FAM81A: variants seen among roughly 807,000 people sequenced by gnomAD.
FAM81A encodes the protein family with sequence similarity 81 member A.
In FAM81A, 19 loss-of-function variants were observed where a neutral mutation model predicts 46.7. That is an observed-to-expected ratio of 0.41 (90% confidence interval 0.28 to 0.60). The LOEUF (loss-of-function observed/expected upper bound fraction) is 0.60. Among genes scored for constraint, FAM81A ranks in the 20% least tolerant of loss-of-function variants. The probability of loss-of-function intolerance (pLI) is 0.34; values close to 1 mark genes in which losing one functional copy is unlikely to be tolerated. For synonymous variants in FAM81A, 183 were observed against 152.9 expected (o/e 1.20, Z -1.45); for missense variants, 377 against 453.5 (o/e 0.83, Z 1.53).
Position 59,449,581 on chromosome 15 carries a change from A to G in FAM81A, c.-77-8969A>G, listed in dbSNP as rs551309176. Among the ~76,000 whole-genome samples, 7 of 152,100 alleles carry G rather than the reference A, an allele frequency of 4.6e-5. No homozygotes were observed. In the East Asian group the frequency reaches 9.7e-4, roughly 21 times the overall value. ...CGGATCACGAGGTCAGGAGATCGAG[A>G]CCATCCTGGCTAACACAGTGAAACC... On this transcript the variant is annotated intron_variant, in intron 1 of 8. Coordinates refer to ENST00000288228, the MANE Select transcript of FAM81A (RefSeq NM_152450.3).
intron 3 of FAM81A, among the ~76,000 whole-genome samples, chr15:59,488,409 G>A (rs190952000): frequency 6.6e-6 from 1 of 152,134 alleles, no homozygotes; most frequent in Non-Finnish European, 1.5e-5. Context: ...AGTACTAGAT[G>A]TCCTAGCTAG....
At chr15:59,465,243 G>A (rs2141659636) in intron 3 of FAM81A, among the ~76,000 whole-genome samples, 1 of 152,246 alleles carries the variant, frequency 6.6e-6, no homozygotes, top group Non-Finnish European at 1.5e-5. Flanking sequence ...AGGTCTGGTA[G>A]TGTGATGCCT....
upstream of FAM81A, among the ~76,000 whole-genome samples, chr15:59,434,396 C>T (rs942143838): frequency 6.6e-6 from 1 of 152,208 alleles, no homozygotes; most frequent in Admixed American, 6.5e-5. Context: ...AAAGAGTGAC[C>T]TACACCTTTC....
intron 2 of FAM81A, among the ~76,000 whole-genome samples, chr15:59,422,019 A>G (rs1263707224): frequency 6.6e-6 from 1 of 152,204 alleles, no homozygotes; most frequent in Non-Finnish European, 1.5e-5. Context: ...AAAATAAGGT[A>G]CATAACAGGT....
chr15:59,401,723 C>G, intron 1 of FAM81A: 2 of 775,288 alleles, frequency 2.6e-6, no homozygotes, highest in Non-Finnish European at 4.8e-6. Context: ...TTGTCCCTCT[C>G]TGTCCAGCAG....
chr15:59,483,752 G>A (rs1042203755), intron 3 of FAM81A, among the ~76,000 whole-genome samples: 6 of 152,178 alleles, frequency 3.9e-5, no homozygotes, highest in Non-Finnish European at 8.8e-5. Flanking sequence ...TCCCAATCCA[G>A]GTGCTACCTT....
At chr15:59,414,071 C>T (rs4272979) in intron 2 of FAM81A, among the ~76,000 whole-genome samples, 26,667 of 152,040 alleles carry the variant, frequency 0.18, 2,901 homozygotes, top group East Asian at 0.42. Context: ...CTCTTCCAGC[C>T]TCCTGAGTAG....
chr15:59,480,389 A>T (rs1444485724), intron 3 of FAM81A, among the ~76,000 whole-genome samples: 2 of 152,142 alleles, frequency 1.3e-5, no homozygotes, highest in Non-Finnish European at 2.9e-5. Context: ...TAGATGTCCC[A>T]GGGGATTGGT....
intron 4 of FAM81A, among the ~76,000 whole-genome samples, chr15:59,499,955 C>T (rs1164934312): frequency 1.3e-5 from 2 of 151,574 alleles, no homozygotes; most frequent in African/African-American, 4.9e-5. Context: ...CAGGTTCAAG[C>T]GAGTCTCATG....
chr15:59,402,909 C>A (rs2081078307), intron 2 of FAM81A, among the ~76,000 whole-genome samples: 2 of 151,990 alleles, frequency 1.3e-5, no homozygotes, highest in South Asian at 4.2e-4. Flanking sequence ...TCATAGGGGT[C>A]TTATATATAT....
chr15:59,475,301 C>A (rs544355235), intron 3 of FAM81A, among the ~76,000 whole-genome samples: 1 of 152,058 alleles, frequency 6.6e-6, no homozygotes, highest in Non-Finnish European at 1.5e-5. Context: ...CACCACCACA[C>A]CCGGCTGATT....
intron 1 of FAM81A, among the ~76,000 whole-genome samples, chr15:59,400,123 C>G (rs1171012401): frequency 4.6e-5 from 7 of 152,132 alleles, no homozygotes; most frequent in African/African-American, 1.7e-4. Context: ...GAGGTTCACT[C>G]AGAGATTGCA....
intron 3 of FAM81A, among the ~76,000 whole-genome samples, chr15:59,478,002 T>A (rs748061689): frequency 6.6e-6 from 1 of 152,210 alleles, no homozygotes; most frequent in Non-Finnish European, 1.5e-5. Context: ...CATGTCTGGG[T>A]TATCCATACT....
At chr15:59,491,491 A>C (rs991842612) in intron 3 of FAM81A, among the ~76,000 whole-genome samples, 1 of 152,174 alleles carries the variant, frequency 6.6e-6, no homozygotes, top group Non-Finnish European at 1.5e-5. Context: ...AATTAATAAG[A>C]TCTAGTATTT....
chr15:59,433,092 A>G (rs1284848086), intron 2 of FAM81A, among the ~76,000 whole-genome samples: 1 of 142,522 alleles, frequency 7.0e-6, no homozygotes, highest in East Asian at 2.0e-4. Context: ...CAGTGAGCCA[A>G]GATCGCGCCA....
intron 8 of FAM81A, among the ~76,000 whole-genome samples, chr15:59,520,563 ATTTT>A (rs71119482): frequency 8.2e-6 from 1 of 122,250 alleles, no homozygotes; most frequent in Admixed American, 8.3e-5. Context: ...TGTTTGCTTC[ATTTT>A]TTTTTTTTTT....
intron 8 of FAM81A, among the ~76,000 whole-genome samples, chr15:59,519,279 C>T (rs918071970): frequency 2.6e-4 from 40 of 151,722 alleles, no homozygotes; most frequent in African/African-American, 9.2e-4. Flanking sequence ...ACCTATTCTT[C>T]GCAAGTTCAA....
At chr15:59,428,482 C>T (rs979755174) in intron 2 of FAM81A, among the ~76,000 whole-genome samples, 4 of 149,772 alleles carry the variant, frequency 2.7e-5, no homozygotes, top group Non-Finnish European at 5.9e-5. Context: ...ACTATGTTGC[C>T]CAGGCTGGTC....
At chr15:59,467,901 G>A (rs988951177) in intron 3 of FAM81A, among the ~76,000 whole-genome samples, 5 of 152,184 alleles carry the variant, frequency 3.3e-5, no homozygotes, top group African/African-American at 1.2e-4. Context: ...CTAGTCAAAT[G>A]AGAGTTTTTA....
Sources: allele counts gnomAD v4.1 joint callset (sites outside exome capture counted in the v4.1 genomes callset), GRCh38; gene constraint gnomAD v4.1.1; transcripts MANE v1.5; gene names NCBI Gene and HGNC (gene_info 2026-07-23, HGNC 2026-07-21).